Variants in RADIL observed in about 807,000 individuals in gnomAD.
RADIL encodes the protein Rap associating with DIL domain.
A neutral mutation model predicts 97.6 loss-of-function variants in RADIL; 99 were observed. The observed-to-expected ratio is 1.01, with a 90% confidence interval of 0.86 to 1.20. The LOEUF is 1.20. Among genes scored for constraint, RADIL ranks in the 50% most tolerant of loss-of-function variants. The probability of loss-of-function intolerance (pLI) is 0.00; values close to 1 mark genes in which losing one functional copy is unlikely to be tolerated. For missense variants in RADIL, 1,765 were observed against 1,498.9 expected, an observed-to-expected ratio of 1.18 and a Z score of -2.93; for synonymous variants, 803 against 691.8, an observed-to-expected ratio of 1.16 and a Z score of -2.52.
At chr7:4,853,843 A>G (rs984162561) in intron 2 of RADIL, among the ~76,000 whole-genome samples, 3 of 151,954 alleles carry the variant, frequency 2.0e-5, no homozygotes, top group Non-Finnish European at 4.4e-5. Context: ...GAAGACTATC[A>G]TTGCCATTTA....
intron 6 of RADIL, among the ~76,000 whole-genome samples, chr7:4,820,758 C>T (rs1463243415): frequency 6.6e-6 from 1 of 152,182 alleles, no homozygotes; most frequent in African/African-American, 2.4e-5. Flanking sequence ...GTTCCACGCG[C>T]CCTCAGTCCA....
rs1783460129 is a variant in RADIL at position 4,842,351 on chromosome 7, T to C, written c.536-5746A>G. ...CCCAGCCTGGGCCAAGCCGAGCTGC[T>C]GAGCACATCCTCATCTCCAAGGTGA... is the stretch of plus-strand genomic sequence containing the variant. On this transcript the variant is annotated intron_variant, in intron 2 of 14. Transcript: ENST00000399583. The surrounding 1 kb of genome is among the most constrained non-coding windows in gnomAD (Gnocchi z 4.5). Among the ~76,000 whole-genome samples, 1 of 152,170 alleles carries C rather than the reference T, an allele frequency of 6.6e-6. No homozygotes were observed. The highest frequency in any genetic ancestry group is 6.5e-5 in the Admixed American group (1 of 15,280).
intron 2 of RADIL, among the ~76,000 whole-genome samples, chr7:4,870,468 GTC>G (rs1784227025): frequency 6.6e-6 from 1 of 152,178 alleles, no homozygotes; most frequent in Admixed American, 6.5e-5. Context: ...TTGAGATGGA[GTC>G]TCGCTCTCTT....
chr7:4,807,051 C>G (rs118036186), intron 9 of RADIL, among the ~76,000 whole-genome samples: 6 of 152,152 alleles, frequency 3.9e-5, no homozygotes, highest in Non-Finnish European at 8.8e-5. Context: ...CTGCCTTCCC[C>G]GCGCCCTCCA....
chr7:4,809,367 C>A, intron 9 of RADIL: 1 of 984,550 alleles, frequency 1.0e-6, no homozygotes, highest in Non-Finnish European at 1.2e-6. Context: ...ATATCCCCGC[C>A]CGGCTGAGCG....
intron 11 of RADIL, among the ~76,000 whole-genome samples, chr7:4,803,263 G>T (rs1436883412): frequency 6.6e-5 from 7 of 106,436 alleles, no homozygotes; most frequent in Admixed American, 4.5e-4. Flanking sequence ...GCTGGCTGGG[G>T]GGCCCCCTCC....
chr7:4,807,109 G>C (rs1252511935), intron 9 of RADIL, among the ~76,000 whole-genome samples: 1 of 152,026 alleles, frequency 6.6e-6, no homozygotes, highest in Admixed American at 6.5e-5. Context: ...ATGTGGCCTC[G>C]CTGCTGGGTC....
rs1341154957 is a variant in RADIL, at chr7:4,873,011, C to G, written c.535+4594G>C. ...GGAGTGCAGTGGTGCGATCTCAGCT[C>G]ACTGCAACCTCCGCCTCCTGGGTTC... On this transcript the variant is annotated intron_variant, in intron 2 of 14. Transcript: ENST00000399583. This position sits in a 1 kb window ranked among gnomAD's most constrained non-coding sequence, Gnocchi z 4.3. Among the ~76,000 whole-genome samples, 3 of 152,216 alleles carry G rather than the reference C, an allele frequency of 2.0e-5. No homozygotes were observed. Among genetic ancestry groups the G allele is most frequent in the African/African-American group, 7.2e-5 (3 of 41,450 alleles).
At position 4,837,207 on chromosome 7, in the gene RADIL, G is replaced by A. The variant is rs1783323513; in HGVS notation, c.536-602C>T. Among the ~76,000 whole-genome samples, 1 of 152,176 alleles carries A rather than the reference G, an allele frequency of 6.6e-6. No individual in the cohort carries two copies. The highest frequency in any genetic ancestry group is 2.1e-4 in the South Asian group (1 of 4,818). Reference sequence around the variant, plus strand: ...ACCACGCCTCCCCTGCAGCAGCCCAGGGTCACACCGCGGCCTGCCCGACCA... The same window carrying A: ...ACCACGCCTCCCCTGCAGCAGCCCAAGGTCACACCGCGGCCTGCCCGACCA... On this transcript the variant is annotated intron_variant, in intron 2 of 14. Transcript: ENST00000399583. The surrounding 1 kb of genome is among the most constrained non-coding windows in gnomAD (Gnocchi z 5.6).
At chr7:4,870,064 C>T (rs977203314) in intron 2 of RADIL, among the ~76,000 whole-genome samples, 1 of 152,206 alleles carries the variant, frequency 6.6e-6, no homozygotes, top group Non-Finnish European at 1.5e-5. Flanking sequence ...CGCTTGGGCC[C>T]AGGAGATCGA....
At chr7:4,823,096 A>G (rs190421393) in intron 5 of RADIL, among the ~76,000 whole-genome samples, 2 of 152,306 alleles carry the variant, frequency 1.3e-5, no homozygotes, top group Admixed American at 1.3e-4. Flanking sequence ...AATCACGTGT[A>G]AAGTCCATGA....
intron 2 of RADIL, among the ~76,000 whole-genome samples, chr7:4,850,822 C>G (rs1214450738): frequency 6.6e-6 from 1 of 152,196 alleles, no homozygotes; most frequent in Admixed American, 6.5e-5. Flanking sequence ...GAGGGTCCAG[C>G]TCTCCCGTGC....
chr7:4,821,194 T>C lies in RADIL; in HGVS notation c.1615+1200A>G, dbSNP rs1228442000. ...AATGCACCACTCCCTACCCGGATCC[T>C]CCAGAAGCCAGACCGCCACGCCACG... On this transcript the variant is annotated intron_variant, in intron 6 of 14. Transcript: ENST00000399583. The surrounding 1 kb of genome is among the most constrained non-coding windows in gnomAD (Gnocchi z 5.2). 6.6e-6 allele frequency among the ~76,000 whole-genome samples: 1 copy of C among 152,070 alleles called. No homozygotes were observed. The highest frequency in any genetic ancestry group is 1.5e-5 in the Non-Finnish European group (1 of 67,996).
intron 5 of RADIL, among the ~76,000 whole-genome samples, chr7:4,829,657 G>A (rs1176944613): frequency 6.6e-6 from 1 of 152,142 alleles, no homozygotes; most frequent in East Asian, 1.9e-4. Flanking sequence ...CGCGGTGGGT[G>A]GTAACTGAGT....
chr7:4,803,815 G>A (rs183365967), intron 10 of RADIL, 61 bp from the exon 11 acceptor site: 38 of 1,447,630 alleles, frequency 2.6e-5, no homozygotes, highest in Admixed American at 2.0e-4. Flanking sequence ...TCGCCAGGCC[G>A]CCCCGCCCAA....
chr7:4,877,685 C>A lies in RADIL; in HGVS notation c.455G>T (p.Gly152Val). ...LIQELWKPREGLSRRFELRKR... is the reference protein window; with the variant it reads ...LIQELWKPREVLSRRFELRKR... The stretch of plus-strand genomic sequence containing the variant: ...CCTCAGCTCAAACCTCCGGGATAAA[C>A]CTTCTCGGGGTTTCCATAATTCCTG... The change falls in exon 2 of 15, where the codon GGT becomes GTT. Residue 152 changes from glycine (G) to valine (V), a missense_variant. Physicochemically the swap from Gly to Val is moderately radical, Grantham distance 109. Transcript: ENST00000399583. The A allele has an allele frequency of 1.9e-6, 3 of 1,614,184 alleles. No homozygotes were observed. Among genetic ancestry groups the A allele is most frequent in the Admixed American group, 1.7e-5 (1 of 60,030 alleles).
chr7:4,799,342 G>A lies in RADIL; in HGVS notation c.*36C>T, dbSNP rs777255292. 36 of 1,592,016 alleles carry A rather than the reference G, an allele frequency of 2.3e-5. No homozygotes were observed. Among genetic ancestry groups the A allele is most frequent in the African/African-American group, 9.4e-5 (7 of 74,442 alleles). On this transcript the variant is annotated 3_prime_UTR_variant, in exon 15 of 15. Transcript: ENST00000399583. ...AAGCCCAGTGTCACCAGGTGGGACC[G>A]GGTGCCGGGCCTGTGGGGGTGTCCT...
rs377363654 is a variant in RADIL at position 4,818,502 on chromosome 7, A to G, written c.1616-1151T>C. Among the ~76,000 whole-genome samples, 9 of 152,254 alleles carry G rather than the reference A, an allele frequency of 5.9e-5. No homozygotes were observed. The East Asian group carries it at 1.6e-3, about 26-fold the overall frequency. On this transcript the variant is annotated intron_variant, in intron 6 of 14. Transcript: ENST00000399583. This position sits in a 1 kb window ranked among gnomAD's most constrained non-coding sequence, Gnocchi z 7.1. ...CCCCCAGTGCCTGCCCCACAGGGTC[A>G]CATCTGGGAACCAGGCAGGGCAGCT...
At chr7:4,809,289 G>A in intron 9 of RADIL, 3 of 985,368 alleles carry the variant, frequency 3.0e-6, no homozygotes, top group Non-Finnish European at 2.4e-6. Context: ...CTTCCATCAC[G>A]AGGTTCCTGC....
Sources: allele counts gnomAD v4.1 joint callset (sites outside exome capture counted in the v4.1 genomes callset), GRCh38; gene constraint gnomAD v4.1.1; non-coding constraint Gnocchi (gnomAD v3.1); transcripts MANE v1.5; gene names NCBI Gene and HGNC (gene_info 2026-07-23, HGNC 2026-07-21).